The following RUNX3 variants were observed in gnomAD, a reference collection of about 807,000 sequenced individuals.
The protein encoded by RUNX3 is RUNX family transcription factor 3, also known as runt-related transcription factor 3.
Under a neutral mutation model 27.7 loss-of-function variants are expected in RUNX3, and 10 were observed. That is an observed-to-expected ratio of 0.36 (90% CI 0.22 to 0.61). RUNX3 has a LOEUF of 0.61. RUNX3 is among the 20% of genes least tolerant of loss of function. The pLI is 0.72. For synonymous variants in RUNX3, 270 were observed against 269.2 expected (o/e 1.00, Z -0.03); for missense variants, 469 against 629.5 (o/e 0.75, Z 2.73).
chr1:24,928,723 T>C (rs1641148557), intron 1 of RUNX3: 1 of 198,880 alleles, frequency 5.0e-6, no homozygotes, highest in Non-Finnish European at 1.1e-5. Flanking sequence ...ACTGGTATTT[T>C]AAGATGTCAC....
At position 24,916,929 on chromosome 1, in the gene RUNX3, C is replaced by T. The variant is rs528651615; in HGVS notation, c.544+2311G>A. 1.2e-4 allele frequency among the ~76,000 whole-genome samples: 19 copies of T among 152,304 alleles called. No homozygotes were observed. The highest frequency in any genetic ancestry group is 4.6e-4 in the African/African-American group (19 of 41,566). ...CCTGAGCCACGCATTTACCTTCCAG[C>T]TCACCCCAGAAGGGGCCATCTCAGG... On this transcript the variant is annotated intron_variant, in intron 3 of 4. Transcript: ENST00000308873. The surrounding 1 kb of genome is among the most constrained non-coding windows in gnomAD (Gnocchi z 4.8).
At position 24,929,918 on chromosome 1, in the gene RUNX3, C is replaced by T; in HGVS notation, c.-50G>A. ...CAGGCGGAGACGGCGCGGCTTCCCC[C>T]GGGGGCGGCCGGCGCGGGCGCCTCC... On this transcript the variant is annotated 5_prime_UTR_variant, in exon 1 of 5. Coordinates refer to ENST00000308873, the MANE Select transcript of RUNX3 (RefSeq NM_004350.3). 1 of 1,225,272 alleles carries T rather than the reference C, an allele frequency of 8.2e-7. No individual in the cohort carries two copies. The highest frequency in any genetic ancestry group is 1.6e-5 in the African/African-American group (1 of 63,354). The allele number at this position is 1,225,272 out of a possible 1,614,324, so 75.9% of individuals were successfully genotyped here.
intron 4 of RUNX3, among the ~76,000 whole-genome samples, chr1:24,905,015 C>T (rs1236417911): frequency 1.3e-5 from 2 of 152,208 alleles, no homozygotes; most frequent in African/African-American, 2.4e-5. Flanking sequence ...CTGTGAGAAG[C>T]CCCCATTGTG....
At chr1:24,908,752 C>T (rs1640740463) in intron 3 of RUNX3, among the ~76,000 whole-genome samples, 4 of 152,234 alleles carry the variant, frequency 2.6e-5, no homozygotes, top group Admixed American at 2.6e-4. Flanking sequence ...CACTGCCACC[C>T]TCTGCCTCCC....
Position 24,900,971 on chromosome 1 carries a change from G to A in RUNX3, c.*1151C>T, listed in dbSNP as rs924400000. 12 of 150,328 alleles carry A rather than the reference G, an allele frequency of 8.0e-5. No homozygotes were observed. Among genetic ancestry groups the A allele is most frequent in the Admixed American group, 2.0e-4 (3 of 15,112 alleles). 9.3% of individuals were successfully genotyped at this position (150,328 alleles called of 1,614,324 possible). On this transcript the variant is annotated 3_prime_UTR_variant, in exon 5 of 5. Coordinates refer to ENST00000308873, the MANE Select transcript of RUNX3 (RefSeq NM_004350.3). ...TGTAAGAGACCTTGTGTTTGAAAAC[G>A]TTAGATTAAGCTTCTTTTTCTAAAA...
At chr1:24,939,006 G>T (rs1571337216) in intron 2 of RUNX3, among the ~76,000 whole-genome samples, 2 of 152,206 alleles carry the variant, frequency 1.3e-5, no homozygotes, top group South Asian at 4.1e-4. Context: ...TGGGCCAGGG[G>T]ATGGCAGCAA....
chr1:24,940,832 C>T (rs1289798930), intron 2 of RUNX3, among the ~76,000 whole-genome samples: 2 of 151,790 alleles, frequency 1.3e-5, no homozygotes, highest in African/African-American at 2.4e-5. Flanking sequence ...GGTGGGAGCC[C>T]TAAGGTCCCA....
Position 24,901,543 on chromosome 1 carries a change from A to T in RUNX3, c.*579T>A, listed in dbSNP as rs769763458. 6.5e-6 allele frequency: 1 copy of T among 152,816 alleles called. No homozygotes were observed. The highest frequency in any genetic ancestry group is 1.5e-5 in the Non-Finnish European group (1 of 68,326). The allele number at this position is 152,816 out of a possible 1,614,324, so 9.5% of individuals were successfully genotyped here. A position where few individuals can be genotyped will look rare whatever the true frequency, so the allele number is the denominator to read the frequency against. On this transcript the variant is annotated 3_prime_UTR_variant, in exon 5 of 5. Coordinates refer to ENST00000308873, the MANE Select transcript of RUNX3 (RefSeq NM_004350.3). Reference sequence around the variant, plus strand: ...GATGTGTTCTCAAACCATCTCTGCCAGCAGCGTGCTGGGTCCTGCCCCATC... The same window carrying T: ...GATGTGTTCTCAAACCATCTCTGCCTGCAGCGTGCTGGGTCCTGCCCCATC...
upstream of RUNX3, among the ~76,000 whole-genome samples, chr1:24,935,051 G>T (rs2124322683): frequency 6.6e-6 from 1 of 152,316 alleles, no homozygotes; most frequent in East Asian, 1.9e-4. Flanking sequence ...TTTACAGATG[G>T]GAACACTGAG....
chr1:24,909,815 A>G (rs1226012444), intron 3 of RUNX3, among the ~76,000 whole-genome samples: 3 of 152,098 alleles, frequency 2.0e-5, no homozygotes, highest in African/African-American at 4.8e-5. Flanking sequence ...CGGCTGATCA[A>G]CCCTAACACG....
At chr1:24,907,115 C>A (rs1348218773) in intron 4 of RUNX3, 144 bp downstream of exon 4, 2 of 785,402 alleles carry the variant, frequency 2.5e-6, no homozygotes, top group East Asian at 5.4e-5. Context: ...CTGCAGGTGC[C>A]AATGAGCACC....
At chr1:24,903,727 C>T (rs1028115374) in intron 4 of RUNX3, among the ~76,000 whole-genome samples, 15 of 152,174 alleles carry the variant, frequency 9.9e-5, no homozygotes, top group Admixed American at 6.5e-4. Context: ...AGCCCCAACA[C>T]GTACTTGAGA....
intron 3 of RUNX3, among the ~76,000 whole-genome samples, chr1:24,918,893 C>G (rs1301861545): frequency 6.6e-6 from 1 of 152,218 alleles, no homozygotes; most frequent in Non-Finnish European, 1.5e-5. Flanking sequence ...CGCAGAGAAG[C>G]TGGGGGCAGA....
chr1:24,912,403 C>G (rs923020017), intron 3 of RUNX3, among the ~76,000 whole-genome samples: 16 of 152,138 alleles, frequency 1.1e-4, no homozygotes, highest in African/African-American at 3.6e-4. Flanking sequence ...CTCTGCCCCC[C>G]ACTCTTCAGA....
chr1:24,936,769 C>T (rs1641357886), intron 2 of RUNX3, among the ~76,000 whole-genome samples: 1 of 152,222 alleles, frequency 6.6e-6, no homozygotes, highest in Non-Finnish European at 1.5e-5. Context: ...GTCCTGATGA[C>T]TGTCAGTCCT....
intron 2 of RUNX3, among the ~76,000 whole-genome samples, chr1:24,940,073 G>T (rs925927738): frequency 6.6e-6 from 1 of 152,326 alleles, no homozygotes; most frequent in South Asian, 2.1e-4. Flanking sequence ...GAGCAGGCTT[G>T]GGGGGTAAGA....
chr1:24,905,427 G>T (rs1218261371), intron 4 of RUNX3, among the ~76,000 whole-genome samples: 3 of 152,224 alleles, frequency 2.0e-5, no homozygotes, highest in Non-Finnish European at 4.4e-5. Context: ...CACCCAAAGG[G>T]GATGGGCCTG....
In RUNX3 at chr1:24,901,831, T is replaced by TC; in HGVS notation, c.*290dup. 1 of 431,910 alleles carries TC rather than the reference T, an allele frequency of 2.3e-6. No individual in the cohort carries two copies. Among genetic ancestry groups the TC allele is most frequent in the Non-Finnish European group, 4.2e-6 (1 of 240,044 alleles). 26.8% of individuals were successfully genotyped at this position (431,910 alleles called of 1,614,324 possible). On this transcript the variant is annotated 3_prime_UTR_variant, in exon 5 of 5. Transcript: ENST00000308873. ...GCATAGCTGGAGACAGTGAGGTCCTTCCGGGGGGGTGGCAGGAGGCTGATT... is the reference window on the plus strand; with the variant it reads ...GCATAGCTGGAGACAGTGAGGTCCTTCCCGGGGGGGTGGCAGGAGGCTGATT...
chr1:24,909,357 C>T (rs1640754597), intron 3 of RUNX3, among the ~76,000 whole-genome samples: 3 of 152,214 alleles, frequency 2.0e-5, no homozygotes, highest in South Asian at 2.1e-4. Context: ...TTTTCATCTT[C>T]CATGAATGGA....
Sources: allele counts gnomAD v4.1 joint callset (sites outside exome capture counted in the v4.1 genomes callset), GRCh38; gene constraint gnomAD v4.1.1; non-coding constraint Gnocchi (gnomAD v3.1); transcripts MANE v1.5; gene names NCBI Gene and HGNC (gene_info 2026-07-23, HGNC 2026-07-21).